DOCK7: variants seen among roughly 807,000 people sequenced by gnomAD.
DOCK7 encodes dedicator of cytokinesis 7.
DOCK7 carries 138 observed loss-of-function variants against 271.0 expected under a neutral mutation model. The observed-to-expected ratio is 0.51, with a 90% confidence interval of 0.44 to 0.59. The LOEUF (loss-of-function observed/expected upper bound fraction) is 0.59, where lower values mean the gene tolerates loss of function less well. Among genes scored for constraint, DOCK7 ranks in the 20% least tolerant of loss-of-function variants. DOCK7 has a pLI of 0.00. For synonymous variants in DOCK7, 823 were observed against 876.1 expected (o/e 0.94, Z 1.07); for missense variants, 2,066 against 2,592.4 (o/e 0.80, Z 4.41).
At chr1:62,621,038 C>G (rs753812340) in intron 12 of DOCK7, among the ~76,000 whole-genome samples, 10 of 151,944 alleles carry the variant, frequency 6.6e-5, no homozygotes, top group Non-Finnish European at 1.3e-4. Flanking sequence ...CTTTTTAGTT[C>G]ATATTTGTGT....
intron 12 of DOCK7, among the ~76,000 whole-genome samples, chr1:62,622,893 G>A (rs1352458447): frequency 6.6e-6 from 1 of 152,106 alleles, no homozygotes; most frequent in Non-Finnish European, 1.5e-5. Flanking sequence ...CTGTGCCACT[G>A]CACTCCAGCC....
At chr1:62,578,698 G>A (rs559990304) in intron 17 of DOCK7, 130 bp downstream of exon 17, 9 of 901,380 alleles carry the variant, frequency 1.0e-5, no homozygotes, top group Middle Eastern at 8.0e-4. Flanking sequence ...CTCCAGCCTG[G>A]GAGACAGAGA....
At chr1:62,638,589 A>ATTTTCATGAATATATATT (rs1163495437) in intron 7 of DOCK7, among the ~76,000 whole-genome samples, 13 of 147,066 alleles carry the variant, frequency 8.8e-5, no homozygotes, top group African/African-American at 3.2e-4. Flanking sequence ...ATGAATATAT[A>ATTTTCATGAATATATATT]TTTTCATGAA....
chr1:62,631,418 A>G lies in DOCK7; in HGVS notation c.1117-13T>C. Reference sequence around the variant, plus strand: ...GTTTTTCTTTATTCTGCAAAACAGAACTTTATACATTATATGATTATACTT... The same window carrying G: ...GTTTTTCTTTATTCTGCAAAACAGAGCTTTATACATTATATGATTATACTT... On this transcript the variant is annotated splice_polypyrimidine_tract_variant and intron_variant, in intron 10 of 49. Coordinates refer to ENST00000635253, the MANE Select transcript of DOCK7 (RefSeq NM_001367561.1). 6.3e-7 allele frequency: 1 copy of G among 1,581,858 alleles called. No homozygotes were observed. The highest frequency in any genetic ancestry group is 1.2e-5 in the South Asian group (1 of 84,718).
chr1:62,625,217 G>A, intron 12 of DOCK7, 42 bp downstream of exon 12: 1 of 1,599,184 alleles, frequency 6.3e-7, no homozygotes, highest in Non-Finnish European at 8.5e-7. Flanking sequence ...AAAAATTTAT[G>A]CACAAACATC....
At chr1:62,653,285 T>A (rs2149692426) in intron 4 of DOCK7, among the ~76,000 whole-genome samples, 1 of 152,290 alleles carries the variant, frequency 6.6e-6, no homozygotes, top group East Asian at 1.9e-4. Context: ...GATGTAGAGG[T>A]CAAAGACCTA....
At chr1:62,674,686 G>T (rs1660356455) in intron 1 of DOCK7, among the ~76,000 whole-genome samples, 1 of 152,076 alleles carries the variant, frequency 6.6e-6, no homozygotes, top group African/African-American at 2.4e-5. Flanking sequence ...TTTGACAATG[G>T]TGCCAAGGCA....
intron 1 of DOCK7, among the ~76,000 whole-genome samples, chr1:62,682,167 A>G (rs767151045): frequency 3.3e-5 from 5 of 152,226 alleles, no homozygotes; most frequent in Non-Finnish European, 7.3e-5. Flanking sequence ...AAGTCAACAA[A>G]AGGAGGACCA....
At chr1:62,634,724 A>T in intron 9 of DOCK7, 49 bp downstream of exon 9, 1 of 1,539,102 alleles carries the variant, frequency 6.5e-7, no homozygotes, top group Non-Finnish European at 8.8e-7. Flanking sequence ...CTGACAGACA[A>T]GTATACAGAC....
Position 62,635,044 on chromosome 1 carries a change from C to T in DOCK7, c.886-122G>A, listed in dbSNP as rs933643327. On this transcript the variant is annotated intron_variant, in intron 8 of 49. Transcript: ENST00000635253. ...TTTCAATGAAACAATAATCTGTTTT[C>T]AATTACAGTAATTATAATAAGAAAA... is the stretch of plus-strand genomic sequence containing the variant. 11 of 508,440 alleles carry T rather than the reference C, an allele frequency of 2.2e-5. No individual in the cohort carries two copies. The African/African-American group carries it at 2.2e-4, about 10-fold the overall frequency. 31.5% of individuals were successfully genotyped at this position (508,440 alleles called of 1,614,324 possible).
At chr1:62,601,700 G>A in intron 14 of DOCK7, 1 of 1,117,178 alleles carries the variant, frequency 9.0e-7, no homozygotes, top group Admixed American at 1.8e-5. Context: ...AATGTCAAGT[G>A]AAATCTCAAG....
intron 31 of DOCK7, among the ~76,000 whole-genome samples, chr1:62,527,136 G>A (rs1473740261): frequency 2.6e-5 from 4 of 152,214 alleles, no homozygotes; most frequent in Non-Finnish European, 4.4e-5. Context: ...GGAAAAAAAT[G>A]TCATTTAAAA....
chr1:62,516,880 T>C (rs1644677234), intron 31 of DOCK7: 1 of 152,436 alleles, frequency 6.6e-6, no homozygotes, highest in Non-Finnish European at 1.5e-5. Flanking sequence ...TTAACAAAAC[T>C]GCTTTATATC....
chr1:62,507,795 G>A (rs984516314), intron 35 of DOCK7, among the ~76,000 whole-genome samples, 167 bp downstream of exon 35: 3 of 152,220 alleles, frequency 2.0e-5, no homozygotes, highest in Non-Finnish European at 4.4e-5. Context: ...AACAGTTGAA[G>A]CTATGGGAAT....
intron 1 of DOCK7, among the ~76,000 whole-genome samples, chr1:62,675,710 G>T (rs562492678): frequency 6.6e-6 from 1 of 151,742 alleles, no homozygotes; most frequent in Non-Finnish European, 1.5e-5. Flanking sequence ...GTGTGAACCC[G>T]GGAAGTGGAG....
intron 1 of DOCK7, among the ~76,000 whole-genome samples, chr1:62,673,904 A>C (rs1196353600): frequency 6.7e-6 from 1 of 148,356 alleles, no homozygotes; most frequent in Admixed American, 6.7e-5. Flanking sequence ...GGAGGGAGGG[A>C]AGGAAGGAGA....
chr1:62,656,983 T>C (rs1658095055), intron 2 of DOCK7, among the ~76,000 whole-genome samples: 2 of 152,138 alleles, frequency 1.3e-5, no homozygotes, highest in Admixed American at 6.5e-5. Context: ...GAAGCACAAG[T>C]AGGGTGTTGG....
At position 62,658,266 on chromosome 1, in the gene DOCK7, G is replaced by A. The variant is rs180796628; in HGVS notation, c.145-4107C>T. On this transcript the variant is annotated intron_variant, in intron 2 of 49. Coordinates refer to ENST00000635253, the MANE Select transcript of DOCK7 (RefSeq NM_001367561.1). ...GTTAGGAGTTCGAGACCAGCCTGGC[G>A]AACATGGCAAAACCCTGTCTCTACT... Among the ~76,000 whole-genome samples, 5 of 151,262 alleles carry A rather than the reference G, an allele frequency of 3.3e-5. No homozygotes were observed. The East Asian group carries it at 5.9e-4, about 18-fold the overall frequency.
intron 37 of DOCK7, among the ~76,000 whole-genome samples, chr1:62,499,322 C>T (rs1020276842): frequency 1.9e-4 from 29 of 152,036 alleles, no homozygotes; most frequent in African/African-American, 6.8e-4. Flanking sequence ...AAAAAAAGGA[C>T]AGTATGAGAT....
Sources: gnomAD v4.1 joint callset for allele counts (sites outside exome capture counted in the v4.1 genomes callset) on GRCh38, gnomAD v4.1.1 for gene constraint, MANE v1.5 for transcripts, NCBI Gene and HGNC (gene_info 2026-07-23, HGNC 2026-07-21) for gene names.